Variants in SLIT3 observed in about 807,000 individuals in gnomAD.
The protein encoded by SLIT3 is slit guidance ligand 3, also known as slit homolog 3 protein.
SLIT3 carries 68 observed loss-of-function variants against 184.0 expected under a neutral mutation model. That is an observed-to-expected ratio of 0.37 (90% confidence interval 0.30 to 0.45). SLIT3 has a LOEUF of 0.45. SLIT3 is among the 20% of genes least tolerant of loss of function. SLIT3 has a pLI of 1.00. For missense variants in SLIT3, 1,707 were observed against 2,026.0 expected (o/e 0.84, Z 3.02); for synonymous variants, 831 against 828.6 (o/e 1.00, Z -0.05).
intron 4 of SLIT3, among the ~76,000 whole-genome samples, chr5:169,013,608 GCTTGAC>G (rs1298037377): frequency 6.6e-6 from 1 of 152,194 alleles, no homozygotes; most frequent in African/African-American, 2.4e-5. Flanking sequence ...TTCAGCAGCT[GCTTGAC>G]CTCTGCCTCT....
intron 32 of SLIT3, among the ~76,000 whole-genome samples, chr5:168,681,054 T>C (rs1336365129): frequency 6.6e-6 from 1 of 152,034 alleles, no homozygotes; most frequent in African/African-American, 2.4e-5. Flanking sequence ...GAGGCTGAGG[T>C]AGGAGGATCA....
chr5:168,994,509 A>G (rs1026325368), intron 4 of SLIT3, among the ~76,000 whole-genome samples: 2 of 152,026 alleles, frequency 1.3e-5, no homozygotes, highest in African/African-American at 4.8e-5. Context: ...TCACACCCAC[A>G]TAAATCCCAT....
intron 5 of SLIT3, among the ~76,000 whole-genome samples, chr5:168,881,768 A>C (rs1449929397): frequency 6.6e-6 from 1 of 152,182 alleles, no homozygotes; most frequent in Admixed American, 6.5e-5. Context: ...GTGGTTTTGA[A>C]GGTTTGGCTT....
chr5:169,013,937 C>T (rs1756263155), intron 4 of SLIT3, among the ~76,000 whole-genome samples: 1 of 152,164 alleles, frequency 6.6e-6, no homozygotes, highest in African/African-American at 2.4e-5. Flanking sequence ...AGAGAGACTG[C>T]CTGTCTTGTT....
At chr5:168,964,681 G>A (rs1001509189) in intron 4 of SLIT3, among the ~76,000 whole-genome samples, 9 of 152,074 alleles carry the variant, frequency 5.9e-5, no homozygotes, top group East Asian at 1.9e-4. Flanking sequence ...TGAATCTTTC[G>A]GCCCAAATGT....
At chr5:168,993,762 T>C (rs930523095) in intron 4 of SLIT3, among the ~76,000 whole-genome samples, 1 of 152,160 alleles carries the variant, frequency 6.6e-6, no homozygotes, top group Non-Finnish European at 1.5e-5. Context: ...TATCACCTTG[T>C]TCCTGGTCAG....
chr5:169,232,287 C>T (rs1422126862), intron 3 of SLIT3, among the ~76,000 whole-genome samples: 3 of 152,100 alleles, frequency 2.0e-5, no homozygotes, highest in African/African-American at 4.8e-5. Flanking sequence ...TGCAGTGGTG[C>T]GATCTTGGCT....
At chr5:168,865,566 G>A (rs1043585095) in intron 5 of SLIT3, among the ~76,000 whole-genome samples, 8 of 152,170 alleles carry the variant, frequency 5.3e-5, no homozygotes, top group Admixed American at 2.0e-4. Flanking sequence ...ATTGGTGTTC[G>A]CCAGGATCCA....
chr5:168,868,512 G>A (rs924090730), intron 5 of SLIT3, among the ~76,000 whole-genome samples: 4 of 152,114 alleles, frequency 2.6e-5, no homozygotes, highest in African/African-American at 9.7e-5. Context: ...CACTTTGGGA[G>A]GACAAAGGGG....
At chr5:168,987,544 C>T (rs60573246) in intron 4 of SLIT3, among the ~76,000 whole-genome samples, 6,003 of 152,296 alleles carry the variant, frequency 0.039, 159 homozygotes, top group Non-Finnish European at 0.057. Flanking sequence ...GGTTGTTAAG[C>T]ACACTATAGG....
chr5:168,986,267 T>C (rs139711572), intron 4 of SLIT3, among the ~76,000 whole-genome samples: 57 of 152,258 alleles, frequency 3.7e-4, no homozygotes, highest in African/African-American at 1.2e-3. Flanking sequence ...TGATAGATGA[T>C]GAAATGGAGG....
intron 3 of SLIT3, among the ~76,000 whole-genome samples, chr5:169,218,816 T>C (rs572682072): frequency 5.9e-5 from 9 of 152,222 alleles, no homozygotes; most frequent in Admixed American, 4.6e-4. Flanking sequence ...GAATGCAGAA[T>C]GCTGGTCCAA....
At chr5:168,758,339 TATTTCTTCGCAGAAGCAA>T (rs1247822738) in intron 16 of SLIT3, among the ~76,000 whole-genome samples, 1 of 152,218 alleles carries the variant, frequency 6.6e-6, no homozygotes, top group Non-Finnish European at 1.5e-5. Flanking sequence ...GGAGAGTACG[TATTTCTTCGCAGAAGCAA>T]AGACTAGCAG....
rs111948103 is a variant in SLIT3, at chr5:168,666,474, C to T, written c.4552G>A (p.Gly1518Ser). The change falls in exon 36 of 36, where the codon GGC (glycine) becomes AGC (serine). Residue 1518 changes from glycine (G) to serine (S), a missense_variant. Coordinates refer to ENST00000519560, the MANE Select transcript of SLIT3 (RefSeq NM_003062.4). Reference protein sequence around the residue: ...VEEVERHLECGCLACS With the variant: ...VEEVERHLECSCLACS ...GGGGCTTAGGAACACGCGAGGCAGC[C>T]GCACTCTAAGTGTCTCTCCACCTCT... 187 of 1,582,344 alleles carry T rather than the reference C, an allele frequency of 1.2e-4. No homozygotes were observed. The highest frequency in any genetic ancestry group is 1.5e-4 in the Non-Finnish European group (171 of 1,161,022).
intron 3 of SLIT3, among the ~76,000 whole-genome samples, chr5:169,232,466 C>G (rs1002836967): frequency 2.6e-5 from 4 of 152,280 alleles, no homozygotes; most frequent in African/African-American, 9.6e-5. Flanking sequence ...CTCAGGTGAT[C>G]CACTCACCTC....
At chr5:168,788,387 G>T (rs557924801) in intron 11 of SLIT3, among the ~76,000 whole-genome samples, 2 of 152,172 alleles carry the variant, frequency 1.3e-5, no homozygotes, top group Admixed American at 6.5e-5. Context: ...GGGGCCAGGT[G>T]GGGGGAATAT....
intron 2 of SLIT3, among the ~76,000 whole-genome samples, chr5:169,248,896 A>T (rs1171182856): frequency 6.6e-6 from 1 of 152,156 alleles, no homozygotes; most frequent in Non-Finnish European, 1.5e-5. Context: ...ATTTGGGGAA[A>T]ATTGCCCTGG....
chr5:169,211,231 G>A (rs1764255489), intron 3 of SLIT3, among the ~76,000 whole-genome samples: 1 of 151,574 alleles, frequency 6.6e-6, no homozygotes, highest in Non-Finnish European at 1.5e-5. Flanking sequence ...AGATTCTGAG[G>A]TTGTCTGGCT....
chr5:168,999,370 T>C (rs1755625248), intron 4 of SLIT3, among the ~76,000 whole-genome samples: 1 of 151,712 alleles, frequency 6.6e-6, no homozygotes, highest in Non-Finnish European at 1.5e-5. Flanking sequence ...AATTTGGTTT[T>C]CTGATTGGAT....
Sources: gnomAD v4.1 joint callset for allele counts (sites outside exome capture counted in the v4.1 genomes callset) on GRCh38, gnomAD v4.1.1 for gene constraint, MANE v1.5 for transcripts, NCBI Gene and HGNC (gene_info 2026-07-23, HGNC 2026-07-21) for gene names.